Variants in TAFA4 observed in about 807,000 individuals in gnomAD.
TAFA4 encodes chemokine-like protein TAFA-4.
In TAFA4, 20 loss-of-function variants were observed where a neutral mutation model predicts 21.1. That is an observed-to-expected ratio of 0.95 (90% confidence interval 0.67 to 1.38). TAFA4 has a LOEUF of 1.38. TAFA4 is among the 40% of genes most tolerant of loss of function. The probability of loss-of-function intolerance (pLI) is 0.00; values close to 1 mark genes in which losing one functional copy is unlikely to be tolerated. For synonymous variants in TAFA4, 71 were observed against 67.4 expected (o/e 1.05, Z -0.26); for missense variants, 211 against 180.9 (o/e 1.17, Z -0.95).
chr3:68,919,299 C>G (rs2107019604), intron 1 of TAFA4, among the ~76,000 whole-genome samples: 1 of 152,312 alleles, frequency 6.6e-6, no homozygotes, highest in South Asian at 2.1e-4. Context: ...ACAGAGCAGA[C>G]AGGAGTCTCT....
At position 68,739,118 on chromosome 3, in the gene TAFA4, G is replaced by C. The variant is rs749336245; in HGVS notation, c.368C>G (p.Ser123Ter). 11 of 1,613,960 alleles carry C rather than the reference G, an allele frequency of 6.8e-6. No homozygotes were observed. Among genetic ancestry groups the C allele is most frequent in the Non-Finnish European group, 8.5e-6 (10 of 1,179,876 alleles). Residue 123 changes from serine to a stop codon, truncating the protein, a stop_gained, in exon 5 of 6, where the codon TCA becomes TGA. Coordinates refer to ENST00000295569, the MANE Select transcript of TAFA4 (RefSeq NM_182522.5). LOFTEE classifies it high-confidence loss of function. Reference sequence around the variant, plus strand: ...ATTGCCACTGCTACAGGACCAACCTGAGTAATCTGGCAGCACTTTACAATC... The same window carrying C: ...ATTGCCACTGCTACAGGACCAACCTCAGTAATCTGGCAGCACTTTACAATC... ...GEDCKVLPDY[S>*]GWSCSSGNKV... is the part of the protein sequence containing the mutation.
intron 3 of TAFA4, among the ~76,000 whole-genome samples, chr3:68,812,693 G>C (rs1016509544): frequency 1.4e-4 from 22 of 152,208 alleles, no homozygotes; most frequent in Admixed American, 3.9e-4. Flanking sequence ...TAGAGACCTA[G>C]AAAGAGATTT....
intron 3 of TAFA4, among the ~76,000 whole-genome samples, chr3:68,770,092 A>T (rs1702925188): frequency 6.6e-6 from 1 of 152,214 alleles, no homozygotes; most frequent in East Asian, 1.9e-4. Context: ...AGATCCATGA[A>T]AAAAAAATAT....
At position 68,895,609 on chromosome 3, in the gene TAFA4, C is replaced by A. The variant is rs544949761; in HGVS notation, c.-122-10299G>T. 4.6e-5 allele frequency among the ~76,000 whole-genome samples: 7 copies of A among 152,252 alleles called. No individual in the cohort carries two copies. The South Asian group carries it at 1.5e-3, about 32-fold the overall frequency. On this transcript the variant is annotated intron_variant, in intron 1 of 5. Transcript: ENST00000295569. ...CAGTGGGTAGGGGGAATTAGCTATG[C>A]ACAGGGAACTTAGACAGAAGAGCTA...
At chr3:68,854,313 G>A (rs189402752) in intron 3 of TAFA4, among the ~76,000 whole-genome samples, 12 of 152,170 alleles carry the variant, frequency 7.9e-5, no homozygotes, top group African/African-American at 2.9e-4. Flanking sequence ...GACGACATCA[G>A]GGATAGAGCC....
chr3:68,765,862 T>C (rs1702843804), intron 3 of TAFA4, among the ~76,000 whole-genome samples: 1 of 152,054 alleles, frequency 6.6e-6, no homozygotes, highest in African/African-American at 2.4e-5. Flanking sequence ...ATCCCCTCAC[T>C]TTAAAGGACC....
chr3:68,795,963 G>C (rs767718779), intron 3 of TAFA4, among the ~76,000 whole-genome samples: 1 of 152,168 alleles, frequency 6.6e-6, no homozygotes, highest in African/African-American at 2.4e-5. Context: ...CACTTGTAAA[G>C]TACCACGTTG....
Position 68,809,826 on chromosome 3 carries a change from T to G in TAFA4, c.131-56808A>C, listed in dbSNP as rs570083172. ...TTGAGAGATTGCCCTTTCCCCACTG[T>G]GTGTTGGCATTGTGTTTTGGCACCT... is the stretch of plus-strand genomic sequence containing the variant. On this transcript the variant is annotated intron_variant, in intron 3 of 5. Transcript: ENST00000295569. 8.5e-5 allele frequency among the ~76,000 whole-genome samples: 13 copies of G among 152,330 alleles called. 1 individual carries two copies. In the South Asian group the frequency reaches 2.7e-3, roughly 32 times the overall value.
At chr3:68,858,576 A>ATGTGTG (rs1559545359) in intron 3 of TAFA4, among the ~76,000 whole-genome samples, 9 of 91,068 alleles carry the variant, frequency 9.9e-5, no homozygotes, top group African/African-American at 3.5e-4. Flanking sequence ...ATTCCAAGTG[A>ATGTGTG]CGTGTGTGTG....
intron 3 of TAFA4, among the ~76,000 whole-genome samples, chr3:68,849,529 C>G (rs911012939): frequency 2.2e-4 from 33 of 152,300 alleles, no homozygotes; most frequent in African/African-American, 7.7e-4. Context: ...AGCATTCCAG[C>G]TGTCCTTGAC....
chr3:68,814,254 T>C lies in TAFA4; in HGVS notation c.131-61236A>G, dbSNP rs142724324. 2.0e-4 allele frequency among the ~76,000 whole-genome samples: 30 copies of C among 152,198 alleles called. No individual in the cohort carries two copies. The East Asian group carries it at 5.6e-3, about 28-fold the overall frequency. ...GGGAAGCATTCCCTTTGAAAACTGG[T>C]ACAAGACAGGGATGGCCTCTCTCAC... On this transcript the variant is annotated intron_variant, in intron 3 of 5. Transcript: ENST00000295569.
intron 3 of TAFA4, among the ~76,000 whole-genome samples, chr3:68,772,255 A>C (rs1274167649): frequency 6.6e-6 from 1 of 152,214 alleles, no homozygotes; most frequent in Non-Finnish European, 1.5e-5. Context: ...ATATTAAGGC[A>C]TGTGTGACGG....
intron 1 of TAFA4, among the ~76,000 whole-genome samples, chr3:68,907,548 G>C (rs931890864): frequency 6.6e-6 from 1 of 152,230 alleles, no homozygotes; most frequent in South Asian, 2.1e-4. Context: ...AACAGTGACA[G>C]CAAGTGCAGT....
chr3:68,855,209 C>CA (rs1429969187), intron 3 of TAFA4, among the ~76,000 whole-genome samples: 1 of 151,816 alleles, frequency 6.6e-6, no homozygotes, highest in African/African-American at 2.4e-5. Flanking sequence ...TTCTAATTTA[C>CA]AAAAAAGAAA....
intron 3 of TAFA4, among the ~76,000 whole-genome samples, chr3:68,811,009 T>C (rs1256574166): frequency 6.6e-6 from 1 of 152,200 alleles, no homozygotes; most frequent in African/African-American, 2.4e-5. Flanking sequence ...ACATTTGCTG[T>C]TCACCAATAT....
intron 3 of TAFA4, among the ~76,000 whole-genome samples, chr3:68,810,994 C>A (rs1348890837): frequency 6.6e-6 from 1 of 152,190 alleles, no homozygotes; most frequent in Non-Finnish European, 1.5e-5. Flanking sequence ...AACAATCAGG[C>A]TGCAACATTT....
chr3:68,762,680 T>C (rs1280411288), intron 3 of TAFA4, among the ~76,000 whole-genome samples: 1 of 152,232 alleles, frequency 6.6e-6, no homozygotes, highest in Non-Finnish European at 1.5e-5. Flanking sequence ...TATCTCTCAG[T>C]GACTGTCTAA....
chr3:68,783,414 T>A (rs1703185744), intron 3 of TAFA4, among the ~76,000 whole-genome samples: 1 of 152,122 alleles, frequency 6.6e-6, no homozygotes, highest in African/African-American at 2.4e-5. Flanking sequence ...AGGAGCTTCA[T>A]CCAGCCTGGG....
At chr3:68,865,394 T>C (rs1221789249) in intron 3 of TAFA4, among the ~76,000 whole-genome samples, 1 of 152,078 alleles carries the variant, frequency 6.6e-6, no homozygotes, top group Non-Finnish European at 1.5e-5. Context: ...GAGGACCTGA[T>C]GGAAGGCAAT....
Sources: gnomAD v4.1 joint callset for allele counts (sites outside exome capture counted in the v4.1 genomes callset) on GRCh38, gnomAD v4.1.1 for gene constraint, MANE v1.5 for transcripts, NCBI Gene and HGNC (gene_info 2026-07-23, HGNC 2026-07-21) for gene names.